XRCC4: variants seen among roughly 807,000 people sequenced by gnomAD.
XRCC4 encodes the protein X-ray repair cross complementing 4.
XRCC4 carries 28 observed loss-of-function variants against 39.1 expected under a neutral mutation model. That is an observed-to-expected ratio of 0.72 (90% confidence interval 0.53 to 0.98). XRCC4 has a LOEUF of 0.98. Among genes scored for constraint, XRCC4 ranks in the 50% least tolerant of loss-of-function variants. The probability of loss-of-function intolerance (pLI) is 0.00; values close to 1 mark genes in which losing one functional copy is unlikely to be tolerated. For synonymous variants in XRCC4, 123 were observed against 126.4 expected (o/e 0.97, Z 0.18); for missense variants, 350 against 376.4 (o/e 0.93, Z 0.58).
chr5:83,145,138 G>A (rs1327676869), intron 3 of XRCC4, among the ~76,000 whole-genome samples: 5 of 152,128 alleles, frequency 3.3e-5, no homozygotes, highest in East Asian at 1.9e-4. Flanking sequence ...CTCATGATCC[G>A]CCTGCCTCGG....
Position 83,324,203 on chromosome 5 carries a change from A to G in XRCC4, c.894-28928A>G, listed in dbSNP as rs1312295002. On this transcript the variant is annotated intron_variant, in intron 7 of 7. Coordinates refer to ENST00000396027, the MANE Select transcript of XRCC4 (RefSeq NM_003401.5). ...TCCTATTAAGCCGCAGAAAATATTA[A>G]TAAGGTGAATATGTTAACTTTTTTA... Among the ~76,000 whole-genome samples the G allele has an allele frequency of 3.3e-5, 5 of 152,262 alleles. No individual in the cohort carries two copies. The South Asian group carries it at 8.3e-4, about 25-fold the overall frequency.
the XRCC4 span, among the ~76,000 whole-genome samples, chr5:83,367,215 C>T: frequency 6.6e-6 from 1 of 152,110 alleles, no homozygotes; most frequent in Non-Finnish European, 1.5e-5. Flanking sequence ...AATTCTAGTA[C>T]AACAAACCCT....
chr5:83,239,312 T>G (rs750342326), intron 6 of XRCC4, among the ~76,000 whole-genome samples: 20 of 152,212 alleles, frequency 1.3e-4, no homozygotes, highest in Admixed American at 9.8e-4. Flanking sequence ...TAGATGGTAC[T>G]CAATATATGT....
intron 3 of XRCC4, among the ~76,000 whole-genome samples, chr5:83,187,828 T>G (rs900932861): frequency 6.6e-5 from 10 of 152,182 alleles, no homozygotes; most frequent in Non-Finnish European, 1.2e-4. Context: ...ATGTGACTTG[T>G]GTGACTGAGG....
chr5:83,323,011 A>G (rs188460938), intron 7 of XRCC4, among the ~76,000 whole-genome samples: 9 of 152,296 alleles, frequency 5.9e-5, no homozygotes, highest in Admixed American at 1.3e-4. Flanking sequence ...TAATTGTTAT[A>G]GTACAGCAAG....
intron 7 of XRCC4, among the ~76,000 whole-genome samples, chr5:83,341,205 A>AAC (rs1207936065): frequency 6.6e-6 from 1 of 152,094 alleles, no homozygotes; most frequent in East Asian, 1.9e-4. Context: ...TTAAAAAAAA[A>AAC]AAACAACAAC....
chr5:83,284,229 T>C (rs1478165594), intron 7 of XRCC4, among the ~76,000 whole-genome samples: 1 of 152,014 alleles, frequency 6.6e-6, no homozygotes, highest in African/African-American at 2.4e-5. Flanking sequence ...TGATGTTTAA[T>C]TCTTCTGGTA....
At chr5:83,316,812 AG>A (rs1055623225) in intron 7 of XRCC4, among the ~76,000 whole-genome samples, 2 of 132,998 alleles carry the variant, frequency 1.5e-5, no homozygotes, top group African/African-American at 5.5e-5. Flanking sequence ...AAAGTCAACA[AG>A]GATACCCAGG....
chr5:83,144,296 T>TGC (rs1354455479), intron 3 of XRCC4, among the ~76,000 whole-genome samples: 4 of 150,130 alleles, frequency 2.7e-5, no homozygotes, highest in Admixed American at 1.3e-4. Context: ...TGTGTGTGTG[T>TGC]GTGTGTGTGT....
intron 1 of XRCC4, among the ~76,000 whole-genome samples, chr5:83,091,692 T>G (rs1334836419): frequency 6.6e-6 from 1 of 152,204 alleles, no homozygotes; most frequent in African/African-American, 2.4e-5. Flanking sequence ...AATTACAAAG[T>G]TATTTTTATT....
chr5:83,363,257 T>C, the XRCC4 span, among the ~76,000 whole-genome samples: 1 of 152,118 alleles, frequency 6.6e-6, no homozygotes, highest in East Asian at 1.9e-4. Context: ...CAGCCACTTG[T>C]GAGGCACAGA....
intron 3 of XRCC4, among the ~76,000 whole-genome samples, chr5:83,133,525 G>A (rs113555432): frequency 0.015 from 2,222 of 152,290 alleles, 63 homozygotes; most frequent in African/African-American, 0.051. Context: ...CTTGAGCTGC[G>A]TTGGGCTCCA....
At chr5:83,222,518 A>G (rs566847588) in intron 6 of XRCC4, among the ~76,000 whole-genome samples, 2 of 151,996 alleles carry the variant, frequency 1.3e-5, no homozygotes, top group South Asian at 4.1e-4. Context: ...CTTTTTGTTC[A>G]TATGTGTTTT....
intron 6 of XRCC4, among the ~76,000 whole-genome samples, chr5:83,210,458 A>T (rs1027042783): frequency 1.3e-5 from 2 of 152,162 alleles, no homozygotes; most frequent in Non-Finnish European, 2.9e-5. Context: ...ATTTAAGCTC[A>T]TTGTTTTTCC....
At position 83,216,125 on chromosome 5, in the gene XRCC4, TAAAC is replaced by T. The variant is rs1270661780; in HGVS notation, c.745+11207_745+11210del. Among the ~76,000 whole-genome samples, 3 of 152,016 alleles carry T rather than the reference TAAAC, an allele frequency of 2.0e-5. No individual in the cohort carries two copies. The East Asian group carries it at 5.8e-4, about 29-fold the overall frequency. On this transcript the variant is annotated intron_variant, in intron 6 of 7. Coordinates refer to ENST00000396027, the MANE Select transcript of XRCC4 (RefSeq NM_003401.5). ...TATTTACAACTCAATAATAAGAAAA[TAAAC>T]AACTGGGTCAAAAAATTTGCAAAAG...
At chr5:83,321,900 G>A (rs1331855203) in intron 7 of XRCC4, among the ~76,000 whole-genome samples, 2 of 151,150 alleles carry the variant, frequency 1.3e-5, no homozygotes, top group East Asian at 1.9e-4. Context: ...AACCAGCCAA[G>A]CATTCACTGG....
intron 3 of XRCC4, among the ~76,000 whole-genome samples, chr5:83,148,097 G>T (rs944338348): frequency 6.6e-6 from 1 of 151,960 alleles, no homozygotes; most frequent in Admixed American, 6.6e-5. Context: ...ACTAACAACC[G>T]ATAAATTCAT....
chr5:83,217,358 C>CAAAAAAAAAAAAAA (rs59416363), intron 6 of XRCC4, among the ~76,000 whole-genome samples: 7 of 96,170 alleles, frequency 7.3e-5, no homozygotes, highest in African/African-American at 3.3e-4. Context: ...GACTCCGTCT[C>CAAAAAAAAAAAAAA]AAAAAAAAAA....
At chr5:83,128,987 C>T in intron 3 of XRCC4, among the ~76,000 whole-genome samples, 1 of 152,066 alleles carries the variant, frequency 6.6e-6, no homozygotes, top group East Asian at 1.9e-4. Flanking sequence ...TAATTAGATC[C>T]CATTTGTCAA....
Sources: allele counts gnomAD v4.1 joint callset (sites outside exome capture counted in the v4.1 genomes callset), GRCh38; gene constraint gnomAD v4.1.1; transcripts MANE v1.5; gene names NCBI Gene and HGNC (gene_info 2026-07-23, HGNC 2026-07-21).